The following TCEA1 variants were observed in gnomAD, a reference collection of about 807,000 sequenced individuals.
The protein encoded by TCEA1 is transcription elongation factor A protein 1.
In TCEA1, 21 loss-of-function variants were observed where a neutral mutation model predicts 43.8. The ratio of observed to expected loss-of-function variants is 0.48; its 90% CI spans 0.34 to 0.69. TCEA1 has a LOEUF of 0.69. Ranked by LOEUF, TCEA1 falls within the 30% of genes least tolerant of loss-of-function variation. The pLI, the probability that TCEA1 is intolerant of heterozygous loss-of-function variation, is 0.01. For synonymous variants in TCEA1, 104 were observed against 117.5 expected (o/e 0.88, Z 0.75); for missense variants, 250 against 365.1 (o/e 0.68, Z 2.57).
At chr8:54,011,366 C>T (rs565460709) in intron 1 of TCEA1, among the ~76,000 whole-genome samples, 1 of 152,310 alleles carries the variant, frequency 6.6e-6, no homozygotes, top group Non-Finnish European at 1.5e-5. Flanking sequence ...CTAGGGCTGG[C>T]TTTGTAGTAG....
At position 53,967,987 on chromosome 8, in the gene TCEA1, T is replaced by C. The variant is rs2129296965; in HGVS notation, c.*117A>G. 1 of 914,098 alleles carries C rather than the reference T, an allele frequency of 1.1e-6. No individual in the cohort carries two copies. Among genetic ancestry groups the C allele is most frequent in the South Asian group, 2.0e-5 (1 of 51,076 alleles). The allele number at this position is 914,098 out of a possible 1,614,324, so 56.6% of individuals were successfully genotyped here. On this transcript the variant is annotated 3_prime_UTR_variant, in exon 10 of 10. Coordinates refer to ENST00000521604, the MANE Select transcript of TCEA1 (RefSeq NM_006756.4). ...GGGATGTTAGGTCAAAAACAAAGTC[T>C]AACCCAAGTTGCTTTAAAAATTTGA...
intron 8 of TCEA1, among the ~76,000 whole-genome samples, chr8:53,975,441 T>C (rs1490053217): frequency 6.6e-6 from 1 of 152,186 alleles, no homozygotes; most frequent in Non-Finnish European, 1.5e-5. Flanking sequence ...ATCTGTACAC[T>C]TAAGTTCACA....
rs11306062 is a variant in TCEA1 at position 53,993,127 on chromosome 8, ATT to A, written c.320+539_320+540del. The stretch of plus-strand genomic sequence containing the variant: ...GCCACCACACATGGCTACATGGCTA[ATT>A]TTTTTTTTTTTTTTTTTTTTTTTGG... On this transcript the variant is annotated intron_variant, in intron 4 of 9. Coordinates refer to ENST00000521604, the MANE Select transcript of TCEA1 (RefSeq NM_006756.4). 9.6e-3 allele frequency among the ~76,000 whole-genome samples: 806 copies of A among 84,202 alleles called. 8 individuals are homozygous for A. Among genetic ancestry groups the A allele is most frequent in the African/African-American group, 0.028 (589 of 20,748 alleles). 55.2% of individuals were successfully genotyped at this position (84,202 alleles called of 152,430 possible). A position where few individuals can be genotyped will look rare whatever the true frequency, so the allele number is the denominator to read the frequency against.
At chr8:53,987,782 T>C (rs543972806) in intron 5 of TCEA1, among the ~76,000 whole-genome samples, 5 of 152,284 alleles carry the variant, frequency 3.3e-5, no homozygotes, top group Non-Finnish European at 7.4e-5. Context: ...TAACTCTCAA[T>C]ATAAGATCAG....
intron 3 of TCEA1, among the ~76,000 whole-genome samples, chr8:53,995,434 G>A (rs556054972): frequency 2.6e-5 from 4 of 152,220 alleles, no homozygotes; most frequent in South Asian, 4.1e-4. Flanking sequence ...ACTCCAGCCT[G>A]GATGACAGAG....
At chr8:54,021,960 G>T in intron 1 of TCEA1, 103 bp downstream of exon 1, 1 of 1,178,434 alleles carries the variant, frequency 8.5e-7, no homozygotes, top group Non-Finnish European at 1.1e-6. Flanking sequence ...TCCCAGACGG[G>T]AGGCTGCAGG....
chr8:53,981,419 C>T (rs775414975), intron 7 of TCEA1, among the ~76,000 whole-genome samples: 26 of 152,160 alleles, frequency 1.7e-4, no homozygotes, highest in Non-Finnish European at 3.5e-4. Flanking sequence ...CAAGTTGAAG[C>T]CAATGCTCAT....
chr8:54,009,567 A>G (rs1804583884), intron 2 of TCEA1, among the ~76,000 whole-genome samples: 1 of 152,226 alleles, frequency 6.6e-6, no homozygotes, highest in Admixed American at 6.5e-5. Flanking sequence ...AGCCAGGCAG[A>G]GAAAGACAAA....
At chr8:54,010,409 T>C in intron 2 of TCEA1, 21 bp downstream of exon 2, 1 of 1,579,222 alleles carries the variant, frequency 6.3e-7, no homozygotes, top group East Asian at 2.3e-5. Context: ...TAAAAAAACT[T>C]TGATGCATAA....
At position 54,022,402 on chromosome 8, in the gene TCEA1, T is replaced by G; in HGVS notation, c.-277A>C. 1 of 488,966 alleles carries G rather than the reference T, an allele frequency of 2.0e-6. No homozygotes were observed. The highest frequency in any genetic ancestry group is 3.6e-6 in the Non-Finnish European group (1 of 276,342). The allele number at this position is 488,966 out of a possible 1,614,324, so 30.3% of individuals were successfully genotyped here. A position where few individuals can be genotyped will look rare whatever the true frequency, so the allele number is the denominator to read the frequency against. ...TCGCTGGTGAGGGGCGAGCCCATGT[T>G]CCCGCCAGGCGGGCGTCGGGCTAGT... On this transcript the variant is annotated 5_prime_UTR_variant, in exon 1 of 10. Coordinates refer to ENST00000521604, the MANE Select transcript of TCEA1 (RefSeq NM_006756.4).
intron 1 of TCEA1, among the ~76,000 whole-genome samples, chr8:54,018,670 G>A (rs965086016): frequency 2.6e-5 from 4 of 152,078 alleles, no homozygotes; most frequent in Non-Finnish European, 5.9e-5. Flanking sequence ...TAAAAATTTC[G>A]AACTACTTTC....
At chr8:53,997,704 G>A (rs1420471786) in intron 3 of TCEA1, among the ~76,000 whole-genome samples, 1 of 152,232 alleles carries the variant, frequency 6.6e-6, no homozygotes, top group Admixed American at 6.5e-5. Context: ...TCCAAGACCA[G>A]CCTTAGCAAC....
chr8:53,978,940 C>G, intron 8 of TCEA1, 85 bp downstream of exon 8: 1 of 1,434,236 alleles, frequency 7.0e-7, no homozygotes. Flanking sequence ...GACTATCATA[C>G]TGGTAATTAT....
At chr8:54,001,264 A>C (rs1412417664) in intron 2 of TCEA1, among the ~76,000 whole-genome samples, 2 of 152,192 alleles carry the variant, frequency 1.3e-5, no homozygotes, top group Non-Finnish European at 2.9e-5. Flanking sequence ...AAAAAATAAC[A>C]AAAGGAATTC....
At chr8:54,011,247 T>C (rs1804643457) in intron 1 of TCEA1, among the ~76,000 whole-genome samples, 3 of 152,228 alleles carry the variant, frequency 2.0e-5, no homozygotes. Flanking sequence ...TCAGAACTTT[T>C]TGACTCAGAT....
At chr8:53,999,320 AC>A (rs1804175712) in intron 3 of TCEA1, among the ~76,000 whole-genome samples, 1 of 151,924 alleles carries the variant, frequency 6.6e-6, no homozygotes, top group African/African-American at 2.4e-5. Context: ...CTATAAAAAA[AC>A]ATTATTGGGA....
intron 3 of TCEA1, chr8:53,999,528 G>C (rs1288940135): frequency 1.2e-5 from 2 of 161,076 alleles, no homozygotes. Context: ...TGTGCAAATA[G>C]AGAAAGAAAA....
chr8:53,998,783 T>C (rs888578890), intron 3 of TCEA1, among the ~76,000 whole-genome samples: 1 of 151,966 alleles, frequency 6.6e-6, no homozygotes, highest in African/African-American at 2.4e-5. Flanking sequence ...AAAAGTAAAA[T>C]CATGAACCTA....
At chr8:54,021,907 GCCCGGA>G in intron 1 of TCEA1, 150 bp downstream of exon 1, 17 of 597,224 alleles carry the variant, frequency 2.8e-5, no homozygotes, top group Non-Finnish European at 4.4e-5. Flanking sequence ...GACGCCCCGG[GCCCGGA>G]CACCCTCCCC....
Sources: allele counts gnomAD v4.1 joint callset (sites outside exome capture counted in the v4.1 genomes callset), GRCh38; gene constraint gnomAD v4.1.1; transcripts MANE v1.5; gene names NCBI Gene and HGNC (gene_info 2026-07-23, HGNC 2026-07-21).